Variants in SEC23B observed in about 807,000 individuals in gnomAD.
SEC23B encodes the protein SEC23 homolog B, COPII component.
SEC23B carries 77 observed loss-of-function variants against 104.3 expected under a neutral mutation model. The ratio of observed to expected loss-of-function variants is 0.74; its 90% CI spans 0.61 to 0.89. The LOEUF (loss-of-function observed/expected upper bound fraction) is 0.89. Ranked by LOEUF, SEC23B falls within the 40% of genes least tolerant of loss-of-function variation. The probability of loss-of-function intolerance (pLI) is 0.00; values close to 1 mark genes in which losing one functional copy is unlikely to be tolerated. For synonymous variants in SEC23B, 338 were observed against 332.5 expected, an observed-to-expected ratio of 1.02 and a Z score of -0.18; for missense variants, 885 against 949.4, an observed-to-expected ratio of 0.93 and a Z score of 0.89.
At chr20:18,540,400 G>T (rs891472168) in intron 12 of SEC23B, among the ~76,000 whole-genome samples, 1 of 152,176 alleles carries the variant, frequency 6.6e-6, no homozygotes, top group Non-Finnish European at 1.5e-5. Context: ...TGAGCAGCAG[G>T]TCTCAACAGT....
intron 4 of SEC23B, among the ~76,000 whole-genome samples, 163 bp from the exon 5 acceptor site, chr20:18,524,270 A>G (rs961050463): frequency 3.3e-5 from 5 of 152,256 alleles, no homozygotes; most frequent in African/African-American, 1.2e-4. Context: ...TTGATTTAAT[A>G]AAATCTAAGT....
intron 4 of SEC23B, 98 bp downstream of exon 4, chr20:18,515,834 A>G: frequency 1.2e-6 from 1 of 806,076 alleles, no homozygotes; most frequent in South Asian, 1.4e-5. Context: ...AGGGGACTTA[A>G]AGCTGTGAGG....
At chr20:18,533,767 A>G (rs1485486703) in intron 11 of SEC23B, among the ~76,000 whole-genome samples, 1 of 152,220 alleles carries the variant, frequency 6.6e-6, no homozygotes, top group Non-Finnish European at 1.5e-5. Flanking sequence ...CCTAAAGCCC[A>G]TCTGATGAGT....
At chr20:18,535,820 T>TTG in intron 12 of SEC23B, 78 bp downstream of exon 12, 11 of 1,126,254 alleles carry the variant, frequency 9.8e-6, no homozygotes, top group South Asian at 1.3e-5. Context: ...GGTCTCTGGT[T>TTG]ACTTTCTTCA....
Position 18,530,661 on chromosome 20 carries a change from T to C in SEC23B, c.1110-19T>C. The C allele has an allele frequency of 6.2e-7, 1 of 1,611,448 alleles. No homozygotes were observed. Among genetic ancestry groups the C allele is most frequent in the Non-Finnish European group, 8.5e-7 (1 of 1,177,982 alleles). On this transcript the variant is annotated intron_variant, in intron 9 of 19. Transcript: ENST00000650089. Reference sequence around the variant, plus strand: ...TTCAATCTTCCTAATATTCACTTGATTTTTTTCTTCTTACCTAGAGGCTAC... The same window carrying C: ...TTCAATCTTCCTAATATTCACTTGACTTTTTTCTTCTTACCTAGAGGCTAC...
intron 19 of SEC23B, among the ~76,000 whole-genome samples, chr20:18,557,745 C>CTTTT (rs11477198): frequency 3.4e-3 from 393 of 116,604 alleles, no homozygotes; most frequent in Non-Finnish European, 4.8e-3. Flanking sequence ...TTTTTCTTTT[C>CTTTT]TTTTTTTTTT....
At chr20:18,559,948 G>A (rs2060476873) in intron 19 of SEC23B, among the ~76,000 whole-genome samples, 1 of 152,056 alleles carries the variant, frequency 6.6e-6, no homozygotes, top group Non-Finnish European at 1.5e-5. Context: ...AAAACATTTT[G>A]ATCATGCTTA....
Position 18,531,895 on chromosome 20 carries a change from TAA to T in SEC23B, c.1234-757_1234-756del, listed in dbSNP as rs11478997. ...CAAGACCCTGTGTCTACAAATGATT[TAA>T]AAAAAAAAAAATTAACCTCGTGTGG... On this transcript the variant is annotated intron_variant, in intron 10 of 19. Transcript: ENST00000650089. 1.5e-3 allele frequency among the ~76,000 whole-genome samples: 216 copies of T among 148,610 alleles called. 2 individuals are homozygous for T. The highest frequency in any genetic ancestry group is 4.6e-3 in the African/African-American group (187 of 40,274).
In SEC23B at chr20:18,542,316, A is replaced by G. The variant is rs774130072; in HGVS notation, c.1425A>G (p.Gln475=). 6.2e-6 allele frequency: 10 copies of G among 1,614,200 alleles called. No individual in the cohort carries two copies. The highest frequency in any genetic ancestry group is 1.6e-4 in the Middle Eastern group (1 of 6,062). Residue 475 remains glutamine (Q), a synonymous_variant, in exon 13 of 20, where the codon CAA becomes CAG. Coordinates refer to ENST00000650089, the MANE Select transcript of SEC23B (RefSeq NM_006363.6). Reference sequence around the variant, plus strand: ...TACAGCACAACACCCCGATCCCCCAAGGAGGCAGAGGAGCCATCCAGTTTG... The same window carrying G: ...TACAGCACAACACCCCGATCCCCCAGGGAGGCAGAGGAGCCATCCAGTTTG... ...VVNQHNTPIP[Q]GGRGAIQFVT... is the part of the protein sequence containing the mutation.
intron 7 of SEC23B, 61 bp from the exon 8 acceptor site, chr20:18,526,312 C>G (rs2060133435): frequency 2.5e-6 from 4 of 1,580,604 alleles, no homozygotes; most frequent in Non-Finnish European, 3.5e-6. Flanking sequence ...TATTGGGAAA[C>G]TGAAACCATA....
intron 9 of SEC23B, 91 bp downstream of exon 9, chr20:18,527,702 ACT>A: frequency 1.1e-6 from 1 of 872,410 alleles, no homozygotes; most frequent in Admixed American, 1.7e-5. Context: ...GGCAAGGCCA[ACT>A]CAGAGAAGCT....
chr20:18,518,282 T>C (rs2060048595), intron 4 of SEC23B, among the ~76,000 whole-genome samples: 2 of 152,220 alleles, frequency 1.3e-5, no homozygotes. Context: ...TGAAAGTGTC[T>C]ACCTAGACCA....
At position 18,555,086 on chromosome 20, in the gene SEC23B, T is replaced by TTTG. The variant is rs746737770; in HGVS notation, c.2149-7_2149-5dup. The TTTG allele has an allele frequency of 2.3e-5, 36 of 1,599,616 alleles. No homozygotes were observed. Among genetic ancestry groups the TTTG allele is most frequent in the Admixed American group, 8.3e-5 (5 of 59,968 alleles). ...TGTCACTTTTTAATCTTTAAATCTT[T>TTTG]TTGTTGTTGTTGTTGTTAAAGGCTC... is the stretch of plus-strand genomic sequence containing the variant. On this transcript the variant is annotated intron_variant, in intron 18 of 19. Coordinates refer to ENST00000650089, the MANE Select transcript of SEC23B (RefSeq NM_006363.6).
In SEC23B at chr20:18,554,858, T is replaced by C. The variant is rs1973957; in HGVS notation, c.2149-250T>C. On this transcript the variant is annotated intron_variant, in intron 18 of 19. Transcript: ENST00000650089. ...AAAAAAAAAATGAGTGGTCAAAATGTGCTTATGTAAAGGGATTGCCAAGAT... is the reference window on the plus strand; with the variant it reads ...AAAAAAAAAATGAGTGGTCAAAATGCGCTTATGTAAAGGGATTGCCAAGAT... Among the ~76,000 whole-genome samples the C allele has an allele frequency of 0.68, 100,390 of 147,596 alleles. 35,739 individuals are homozygous for C. Among genetic ancestry groups the C allele is most frequent in the Non-Finnish European group, 0.8 (53,653 of 67,296 alleles).
Position 18,543,043 on chromosome 20 carries a change from C to CAGGCACAT in SEC23B, c.1539_1546dup (p.Glu516GlyfsTer3). 6.2e-7 allele frequency: 1 copy of CAGGCACAT among 1,614,172 alleles called. No individual in the cohort carries two copies. The highest frequency in any genetic ancestry group is 1.1e-5 in the South Asian group (1 of 91,082). On this transcript the variant is annotated frameshift_variant, in exon 14 of 20. Transcript: ENST00000650089. LOFTEE classifies it high-confidence loss of function. ...GTTGGGCAGATGTACAGAGTCAGCT[C>CAGGCACAT]AGGCACATAGAAGCAGCATTTGACC...
chr20:18,507,995 GC>G (rs1484898862), intron 1 of SEC23B, 23 bp downstream of exon 1: 1 of 152,726 alleles, frequency 6.5e-6, no homozygotes, highest in Non-Finnish European at 1.5e-5. Flanking sequence ...GGCCAGGTGA[GC>G]GGGGCGCATA....
At chr20:18,530,217 TTTTTAATTTA>T (rs1183931135) in intron 9 of SEC23B, among the ~76,000 whole-genome samples, 1 of 151,940 alleles carries the variant, frequency 6.6e-6, no homozygotes, top group African/African-American at 2.4e-5. Context: ...TGTTTTTATT[TTTTTAATTTA>T]TTTTATTATT....
chr20:18,517,740 G>A (rs1467347140), intron 4 of SEC23B, among the ~76,000 whole-genome samples: 1 of 152,256 alleles, frequency 6.6e-6, no homozygotes, highest in East Asian at 1.9e-4. Context: ...TTGGCGTAAG[G>A]GGTGATGTTG....
intron 12 of SEC23B, among the ~76,000 whole-genome samples, chr20:18,539,087 C>CGATGGGA (rs1288197106): frequency 4.0e-5 from 6 of 149,686 alleles, no homozygotes; most frequent in Non-Finnish European, 7.4e-5. Flanking sequence ...GTGGTGCACA[C>CGATGGGA]CTATAATCCC....
Sources: allele counts gnomAD v4.1 joint callset (sites outside exome capture counted in the v4.1 genomes callset), GRCh38; gene constraint gnomAD v4.1.1; transcripts MANE v1.5; gene names NCBI Gene and HGNC (gene_info 2026-07-23, HGNC 2026-07-21).